Variants in SGF29 observed in about 807,000 individuals in gnomAD.
The protein encoded by SGF29 is SAGA complex associated factor 29, also known as SAGA-associated factor 29.
In SGF29, 15 loss-of-function variants were observed where a neutral mutation model predicts 38.1. The observed-to-expected ratio is 0.39, with a 90% CI of 0.26 to 0.61. SGF29 has a LOEUF of 0.61. SGF29 is among the 20% of genes least tolerant of loss of function. SGF29 has a pLI of 0.49. For missense variants in SGF29, 184 were observed against 394.6 expected (o/e 0.47, Z 4.52); for synonymous variants, 151 against 160.8 (o/e 0.94, Z 0.46).
chr16:28,571,894 G>A (rs151230), intron 1 of SGF29, among the ~76,000 whole-genome samples: 16,953 of 152,274 alleles, frequency 0.11, 1,026 homozygotes, highest in Middle Eastern at 0.18. Flanking sequence ...AGAGATTTCC[G>A]TTCTTGCCTG....
intron 1 of SGF29, among the ~76,000 whole-genome samples, chr16:28,561,209 T>C (rs1444390947): frequency 2.0e-5 from 3 of 149,980 alleles, no homozygotes; most frequent in Non-Finnish European, 3.0e-5. Flanking sequence ...CTGGGCAACA[T>C]AGTGAGACCC....
intron 1 of SGF29, among the ~76,000 whole-genome samples, chr16:28,562,343 T>C (rs879585307): frequency 1.3e-5 from 2 of 152,170 alleles, no homozygotes; most frequent in Non-Finnish European, 2.9e-5. Flanking sequence ...AGGGTGAGTG[T>C]GAGGCTTTAT....
At chr16:28,587,874 A>G (rs2046964104) in intron 4 of SGF29, among the ~76,000 whole-genome samples, 1 of 152,068 alleles carries the variant, frequency 6.6e-6, no homozygotes, top group African/African-American at 2.4e-5. Context: ...ATCTCGGCTC[A>G]CTGCAAGCTC....
chr16:28,578,375 T>C (rs2046906701), intron 1 of SGF29, among the ~76,000 whole-genome samples: 3 of 152,040 alleles, frequency 2.0e-5, no homozygotes, highest in South Asian at 4.2e-4. Context: ...CAGAACAATG[T>C]TGACTAGAAA....
At chr16:28,561,029 C>T (rs2046785761) in intron 1 of SGF29, among the ~76,000 whole-genome samples, 1 of 150,928 alleles carries the variant, frequency 6.6e-6, no homozygotes, top group East Asian at 1.9e-4. Context: ...TATCAACTGA[C>T]AAGAATTCTA....
chr16:28,566,115 T>TA (rs2046834806), intron 1 of SGF29, among the ~76,000 whole-genome samples: 1 of 150,898 alleles, frequency 6.6e-6, no homozygotes, highest in Non-Finnish European at 1.5e-5. Context: ...CTACTAAAAA[T>TA]ACAAAAAAAT....
intron 1 of SGF29, among the ~76,000 whole-genome samples, chr16:28,564,989 A>G (rs917349926): frequency 1.9e-4 from 29 of 151,740 alleles, no homozygotes; most frequent in African/African-American, 7.0e-4. Flanking sequence ...TCTGAGGCCT[A>G]AGGCCTGAGA....
At chr16:28,575,580 G>A (rs924466551) in intron 1 of SGF29, among the ~76,000 whole-genome samples, 3 of 152,312 alleles carry the variant, frequency 2.0e-5, no homozygotes, top group Admixed American at 1.3e-4. Context: ...AGCTACTCAG[G>A]AGGCTGAGGC....
intron 2 of SGF29, among the ~76,000 whole-genome samples, chr16:28,582,046 A>C (rs1256080818): frequency 6.6e-6 from 1 of 152,114 alleles, no homozygotes; most frequent in African/African-American, 2.4e-5. Context: ...TGCCCACGAT[A>C]CTCAGGGTTT....
At chr16:28,583,204 A>G (rs1192367472) in intron 2 of SGF29, among the ~76,000 whole-genome samples, 1 of 152,206 alleles carries the variant, frequency 6.6e-6, no homozygotes, top group Non-Finnish European at 1.5e-5. Context: ...GTATGAGTAC[A>G]ATATTGGATT....
At chr16:28,570,487 G>A (rs1229756271) in intron 1 of SGF29, among the ~76,000 whole-genome samples, 2 of 152,068 alleles carry the variant, frequency 1.3e-5, no homozygotes, top group Non-Finnish European at 2.9e-5. Flanking sequence ...ATTTGCCCCA[G>A]GATGAATTGT....
chr16:28,572,289 C>T (rs111693583), intron 1 of SGF29, among the ~76,000 whole-genome samples: 48,551 of 140,284 alleles, frequency 0.35, 8,616 homozygotes, highest in Non-Finnish European at 0.39. Context: ...TTGTATTTTT[C>T]TTGAGACGGA....
chr16:28,561,368 A>G (rs1009542677), intron 1 of SGF29, among the ~76,000 whole-genome samples: 40 of 152,262 alleles, frequency 2.6e-4, no homozygotes, highest in African/African-American at 9.4e-4. Context: ...CCCTGTCTCT[A>G]CTAAAAATAC....
At chr16:28,564,667 ATATATATGTATATATATGTG>A (rs2046818477) in intron 1 of SGF29, among the ~76,000 whole-genome samples, 1 of 37,290 alleles carries the variant, frequency 2.7e-5, no homozygotes, top group Non-Finnish European at 6.6e-5. Context: ...ATATATATGC[ATATATATGTATATATATGTG>A]TATATATATG....
rs373249427 is a variant in SGF29, at chr16:28,590,770, C to T, written c.603-3C>T. 6.2e-6 allele frequency: 10 copies of T among 1,613,922 alleles called. No individual in the cohort carries two copies. The East Asian group carries it at 2.2e-4, about 36-fold the overall frequency. On this transcript the variant is annotated splice_polypyrimidine_tract_variant and splice_region_variant and intron_variant, in intron 8 of 9. Transcript: ENST00000317058. The surrounding 1 kb of genome is among the most constrained non-coding windows in gnomAD (Gnocchi z 8.2). Reference sequence around the variant, plus strand: ...AGGTTGATATAAGCCCCTCTTCCCCCAGGAGACACACCCTGAGCCGGCGCC... The same window carrying T: ...AGGTTGATATAAGCCCCTCTTCCCCTAGGAGACACACCCTGAGCCGGCGCC...
chr16:28,561,763 C>A (rs2151641921), intron 1 of SGF29, among the ~76,000 whole-genome samples: 1 of 152,218 alleles, frequency 6.6e-6, no homozygotes, highest in South Asian at 2.1e-4. Flanking sequence ...TTAGCTGGCA[C>A]CCTCGGACTC....
At chr16:28,579,006 C>G (rs949310619) in intron 1 of SGF29, among the ~76,000 whole-genome samples, 1 of 152,022 alleles carries the variant, frequency 6.6e-6, no homozygotes, top group African/African-American at 2.4e-5. Flanking sequence ...AGGCTGATCT[C>G]GAGCTCCTGG....
chr16:28,564,527 GTATA>G (rs1182904889), intron 1 of SGF29, among the ~76,000 whole-genome samples: 1 of 118,082 alleles, frequency 8.5e-6, no homozygotes, highest in African/African-American at 3.4e-5. Context: ...ATATGTGTGT[GTATA>G]TATATATGTA....
At chr16:28,576,427 G>A (rs762599448) in intron 1 of SGF29, among the ~76,000 whole-genome samples, 51 of 152,058 alleles carry the variant, frequency 3.4e-4, no homozygotes, top group Non-Finnish European at 6.0e-4. Context: ...AGGGCCGGGC[G>A]CAGTGGCTCA....
Sources: gnomAD v4.1 joint callset for allele counts (sites outside exome capture counted in the v4.1 genomes callset) on GRCh38, gnomAD v4.1.1 for gene constraint, Gnocchi (gnomAD v3.1) non-coding constraint, MANE v1.5 for transcripts, NCBI Gene and HGNC (gene_info 2026-07-23, HGNC 2026-07-21) for gene names.